The following ATP8A2 variants were observed in gnomAD, a reference collection of about 807,000 sequenced individuals.
ATP8A2 encodes ATPase phospholipid transporting 8A2, also known as phospholipid-transporting ATPase IB.
In ATP8A2, 100 loss-of-function variants were observed where a neutral mutation model predicts 165.6. The observed-to-expected ratio is 0.60, with a 90% CI of 0.51 to 0.71. The LOEUF is 0.71. ATP8A2 is among the 30% of genes least tolerant of loss of function. The pLI is 0.00. For synonymous variants in ATP8A2, 543 were observed against 548.8 expected (o/e 0.99, Z 0.15); for missense variants, 1,227 against 1,479.5 (o/e 0.83, Z 2.80).
intron 24 of ATP8A2, among the ~76,000 whole-genome samples, chr13:25,675,132 A>G (rs2137773296): frequency 6.6e-6 from 1 of 152,314 alleles, no homozygotes. Context: ...AAAGGTGAGC[A>G]TATGAAGCAG....
chr13:25,865,187 A>C (rs1339171613), intron 33 of ATP8A2, among the ~76,000 whole-genome samples: 1 of 152,158 alleles, frequency 6.6e-6, no homozygotes, highest in Non-Finnish European at 1.5e-5. Context: ...ATTACTAAAA[A>C]CATGCCCACG....
intron 35 of ATP8A2, among the ~76,000 whole-genome samples, chr13:26,011,901 C>G (rs1199116887): frequency 6.6e-6 from 1 of 152,094 alleles, no homozygotes; most frequent in Non-Finnish European, 1.5e-5. Context: ...TGCCACTGCA[C>G]TCCAGTCTGG....
rs1027592501 is a variant in ATP8A2 at position 25,639,942 on chromosome 13, A to C, written c.2211+50243A>C. ...TGCAATCAAACTGGAACTCAGGATT[A>C]AGAAACTCATTCAAAACTGCTAAAC... On this transcript the variant is annotated intron_variant, in intron 24 of 36. Transcript: ENST00000381655. 3.1e-4 allele frequency among the ~76,000 whole-genome samples: 47 copies of C among 152,242 alleles called. 1 individual carries two copies. The highest frequency in any genetic ancestry group is 1.2e-3 in the Admixed American group (19 of 15,282).
chr13:25,900,061 A>C (rs1953688970), intron 33 of ATP8A2, among the ~76,000 whole-genome samples: 2 of 152,148 alleles, frequency 1.3e-5, no homozygotes, highest in African/African-American at 4.8e-5. Context: ...TACATTTGGA[A>C]GAGCTTTATT....
At chr13:25,762,609 A>G (rs1181503893) in intron 25 of ATP8A2, among the ~76,000 whole-genome samples, 1 of 152,042 alleles carries the variant, frequency 6.6e-6, no homozygotes, top group Non-Finnish European at 1.5e-5. Context: ...TTTTTTTTCT[A>G]TTACGCTTAA....
rs1260232657 is a variant in ATP8A2, at chr13:25,512,661, C to T, written c.222-17338C>T. On this transcript the variant is annotated intron_variant, in intron 2 of 36. Transcript: ENST00000381655. Reference sequence around the variant, plus strand: ...GCTGACCCCCCACCTCCCTCCCGGACGGGGTGGCTGGCCGGGCGGGGGGCT... The same window carrying T: ...GCTGACCCCCCACCTCCCTCCCGGATGGGGTGGCTGGCCGGGCGGGGGGCT... Among the ~76,000 whole-genome samples the T allele has an allele frequency of 8.5e-3, 1,208 of 141,984 alleles. 35 individuals are homozygous for T. Among genetic ancestry groups the T allele is most frequent in the African/African-American group, 0.031 (1,138 of 37,112 alleles). 93.1% of individuals were successfully genotyped at this position (141,984 alleles called of 152,430 possible). A position where few individuals can be genotyped will look rare whatever the true frequency, so the allele number is the denominator to read the frequency against.
At chr13:25,671,955 C>T (rs1438095657) in intron 24 of ATP8A2, among the ~76,000 whole-genome samples, 1 of 152,174 alleles carries the variant, frequency 6.6e-6, no homozygotes, top group Non-Finnish European at 1.5e-5. Context: ...TGATGTCTCC[C>T]CCGGATGCCC....
At chr13:25,997,916 G>A (rs779949265) in intron 35 of ATP8A2, among the ~76,000 whole-genome samples, 15 of 152,024 alleles carry the variant, frequency 9.9e-5, no homozygotes, top group Non-Finnish European at 1.9e-4. Flanking sequence ...TGACGTCTTG[G>A]TGTTAGCATC....
chr13:25,897,955 T>C (rs1335328452), intron 33 of ATP8A2, among the ~76,000 whole-genome samples: 1 of 152,194 alleles, frequency 6.6e-6, no homozygotes, highest in Non-Finnish European at 1.5e-5. Context: ...TTTCAAAGTT[T>C]TTAACTTCTT....
chr13:25,395,032 A>G (rs1387170705), intron 1 of ATP8A2, among the ~76,000 whole-genome samples: 1 of 152,162 alleles, frequency 6.6e-6, no homozygotes, highest in African/African-American at 2.4e-5. Context: ...TCTCTAGCCT[A>G]TGTACTTCTT....
At chr13:25,554,043 T>G (rs2038903632) in intron 12 of ATP8A2, 123 bp downstream of exon 12, 1 of 1,072,612 alleles carries the variant, frequency 9.3e-7, no homozygotes, top group South Asian at 1.7e-5. Flanking sequence ...GGGCTTAAAC[T>G]GGCCATACAA....
At chr13:25,607,202 A>G (rs2040539303) in intron 24 of ATP8A2, among the ~76,000 whole-genome samples, 1 of 152,148 alleles carries the variant, frequency 6.6e-6, no homozygotes, top group Admixed American at 6.5e-5. Context: ...CCTGTGTTAA[A>G]ATTATCTTCC....
chr13:25,518,692 T>G (rs1480599885), intron 2 of ATP8A2, among the ~76,000 whole-genome samples: 2 of 152,206 alleles, frequency 1.3e-5, no homozygotes, highest in African/African-American at 4.8e-5. Flanking sequence ...CTGTGGGTTC[T>G]TGCTTTCTGC....
chr13:25,983,915 C>T (rs907989945), intron 35 of ATP8A2, among the ~76,000 whole-genome samples: 4 of 151,968 alleles, frequency 2.6e-5, no homozygotes, highest in African/African-American at 4.8e-5. Flanking sequence ...AAGCAGGGGA[C>T]GAGAATGACA....
At chr13:25,419,156 G>T (rs770813802) in intron 1 of ATP8A2, among the ~76,000 whole-genome samples, 37 of 152,162 alleles carry the variant, frequency 2.4e-4, no homozygotes, top group Non-Finnish European at 5.3e-4. Context: ...GAAGTTTTAG[G>T]TTCCCATTGT....
At position 25,970,407 on chromosome 13, in the gene ATP8A2, T is replaced by A. The variant is rs1158135671; in HGVS notation, c.3377+1728T>A. On this transcript the variant is annotated intron_variant, in intron 35 of 36. Transcript: ENST00000381655. ...CTTTTGAGGATGGGAGGGTCTTGAA[T>A]GGACAGAACTGCTGAGAGTCTGATT... Among the ~76,000 whole-genome samples the A allele has an allele frequency of 1.3e-5, 2 of 152,204 alleles. 1 individual carries two copies. Among genetic ancestry groups the A allele is most frequent in the Non-Finnish European group, 2.9e-5 (2 of 68,028 alleles).
At chr13:25,711,727 T>G (rs2043163337) in intron 25 of ATP8A2, among the ~76,000 whole-genome samples, 1 of 152,158 alleles carries the variant, frequency 6.6e-6, no homozygotes, top group Non-Finnish European at 1.5e-5. Flanking sequence ...AAAGAAAAGT[T>G]GGACTGAATT....
intron 24 of ATP8A2, among the ~76,000 whole-genome samples, chr13:25,631,207 A>G (rs1020594482): frequency 1.3e-5 from 2 of 151,684 alleles, no homozygotes; most frequent in African/African-American, 4.8e-5. Flanking sequence ...ATCACTGTCC[A>G]ACAGGACTTT....
chr13:25,445,389 C>G (rs544303523), intron 1 of ATP8A2, among the ~76,000 whole-genome samples: 1 of 152,272 alleles, frequency 6.6e-6, no homozygotes, highest in South Asian at 2.1e-4. Flanking sequence ...GCGTTCTCTT[C>G]GGAAATTACT....
Sources: allele counts gnomAD v4.1 joint callset (sites outside exome capture counted in the v4.1 genomes callset), GRCh38; gene constraint gnomAD v4.1.1; transcripts MANE v1.5; gene names NCBI Gene and HGNC (gene_info 2026-07-23, HGNC 2026-07-21).